Variants in HYCC2 observed in about 807,000 individuals in gnomAD.
HYCC2 encodes hyccin 2.
chr2:200,980,037 AG>A, the HYCC2 span: 1 of 152,630 alleles, frequency 6.6e-6, no homozygotes, highest in Non-Finnish European at 1.5e-5. Flanking sequence ...TGGTCCTTGT[AG>A]GAGAAATCAA....
the HYCC2 span, chr2:201,063,274 T>C: frequency 6.4e-7 from 1 of 1,560,038 alleles, no homozygotes; most frequent in Non-Finnish European, 8.7e-7. Context: ...TTGTCACATA[T>C]GCCACTGTGA....
the HYCC2 span, among the ~76,000 whole-genome samples, chr2:200,982,921 C>T: frequency 6.6e-6 from 1 of 152,256 alleles, no homozygotes; most frequent in Admixed American, 6.5e-5. Context: ...CCACGCCCAG[C>T]TAATTTTTGT....
At chr2:200,999,982 C>T in the HYCC2 span, among the ~76,000 whole-genome samples, 1 of 145,222 alleles carries the variant, frequency 6.9e-6, no homozygotes, top group African/African-American at 2.6e-5. Flanking sequence ...CACTCGAACC[C>T]GAGAGGCGGA....
chr2:201,009,905 C>T, the HYCC2 span, among the ~76,000 whole-genome samples: 3 of 151,740 alleles, frequency 2.0e-5, no homozygotes, highest in East Asian at 5.9e-4. Flanking sequence ...ATATCAAGAC[C>T]ATCCTGGCTA....
the HYCC2 span, chr2:200,992,244 C>T: frequency 5.6e-5 from 68 of 1,222,900 alleles, no homozygotes; most frequent in South Asian, 7.6e-4. Flanking sequence ...TTTTTAGGTA[C>T]CAGTATATTT....
At chr2:201,011,474 T>A in the HYCC2 span, 1 of 1,529,914 alleles carries the variant, frequency 6.5e-7, no homozygotes, top group South Asian at 1.3e-5. Flanking sequence ...AGCGATTTCC[T>A]ATAGTCAAAA....
the HYCC2 span, among the ~76,000 whole-genome samples, chr2:201,035,201 C>T: frequency 6.6e-6 from 1 of 152,162 alleles, no homozygotes; most frequent in Non-Finnish European, 1.5e-5. Flanking sequence ...GAGTGTTTTC[C>T]AACTTGGTTC....
the HYCC2 span, chr2:200,987,653 T>A: frequency 1.5e-6 from 1 of 674,926 alleles, no homozygotes; most frequent in Non-Finnish European, 2.1e-6. Context: ...ACACTATTTA[T>A]ATAGTTACAT....
the HYCC2 span, among the ~76,000 whole-genome samples, chr2:201,064,983 C>A: frequency 3.3e-5 from 5 of 152,252 alleles, no homozygotes; most frequent in African/African-American, 1.2e-4. Flanking sequence ...TCAGATCTAA[C>A]CAGTTTTACA....
chr2:200,983,627 T>C, the HYCC2 span, among the ~76,000 whole-genome samples: 1 of 152,038 alleles, frequency 6.6e-6, no homozygotes, highest in South Asian at 2.1e-4. Flanking sequence ...ATAATGTACT[T>C]TTATAATGTA....
the HYCC2 span, among the ~76,000 whole-genome samples, chr2:201,018,620 C>G: frequency 1.3e-5 from 2 of 152,166 alleles, no homozygotes; most frequent in African/African-American, 4.8e-5. Flanking sequence ...ACATCCTAGT[C>G]TAGTAAATAC....
At chr2:201,000,554 A>G in the HYCC2 span, among the ~76,000 whole-genome samples, 24 of 152,296 alleles carry the variant, frequency 1.6e-4, no homozygotes, top group African/African-American at 5.5e-4. Flanking sequence ...GATGGCTACA[A>G]TAAAAAAGAT....
At chr2:201,004,783 C>T in the HYCC2 span, among the ~76,000 whole-genome samples, 8 of 152,100 alleles carry the variant, frequency 5.3e-5, no homozygotes, top group Middle Eastern at 0.02. Flanking sequence ...TTTGGGAGGC[C>T]GAGGCAGGTG....
the HYCC2 span, among the ~76,000 whole-genome samples, chr2:201,053,935 T>A: frequency 6.6e-6 from 1 of 151,994 alleles, no homozygotes; most frequent in Non-Finnish European, 1.5e-5. Flanking sequence ...CTGTACTTGA[T>A]CCTGGATGAC....
At chr2:201,065,983 T>C in the HYCC2 span, among the ~76,000 whole-genome samples, 2 of 152,206 alleles carry the variant, frequency 1.3e-5, no homozygotes, top group South Asian at 4.1e-4. Context: ...TTTATATTCA[T>C]TTCCCCTAGT....
chr2:201,053,347 T>C, the HYCC2 span, among the ~76,000 whole-genome samples: 1 of 152,220 alleles, frequency 6.6e-6, no homozygotes, highest in Non-Finnish European at 1.5e-5. Context: ...GGTCTCGAAC[T>C]CCTGAACTCA....
the HYCC2 span, among the ~76,000 whole-genome samples, chr2:201,043,344 T>A: frequency 4.0e-5 from 6 of 151,392 alleles, no homozygotes; most frequent in African/African-American, 1.5e-4. Flanking sequence ...TGTTCACATG[T>A]TTATCTGCTG....
the HYCC2 span, among the ~76,000 whole-genome samples, chr2:201,039,912 C>G: frequency 2.9e-3 from 436 of 152,224 alleles, 2 homozygotes; most frequent in African/African-American, 0.01. Context: ...CAGTGGCTCA[C>G]GCCTGTAATC....
the HYCC2 span, among the ~76,000 whole-genome samples, chr2:200,984,232 G>T: frequency 6.6e-6 from 1 of 152,004 alleles, no homozygotes; most frequent in Non-Finnish European, 1.5e-5. Flanking sequence ...TAGAGATGGG[G>T]TTTTGCCATG....
Sources: allele counts gnomAD v4.1 joint callset (sites outside exome capture counted in the v4.1 genomes callset), GRCh38; gene constraint gnomAD v4.1.1; transcripts MANE v1.5; gene names NCBI Gene and HGNC (gene_info 2026-07-23, HGNC 2026-07-21).